The following ART4 variants were observed in gnomAD, a reference collection of about 807,000 sequenced individuals.
The protein encoded by ART4 is ecto-ADP-ribosyltransferase 4.
ART4 carries 14 observed loss-of-function variants against 24.2 expected under a neutral mutation model. The observed-to-expected ratio is 0.58, with a 90% CI of 0.38 to 0.90. ART4 has a LOEUF of 0.90. Among genes scored for constraint, ART4 ranks in the 40% least tolerant of loss-of-function variants. The pLI, the probability that ART4 is intolerant of heterozygous loss-of-function variation, is 0.00. For synonymous variants in ART4, 145 were observed against 139.9 expected, an observed-to-expected ratio of 1.04 and a Z score of -0.26; for missense variants, 356 against 366.6, an observed-to-expected ratio of 0.97 and a Z score of 0.24.
chr12:14,836,742 A>T (rs1448982488), intron 2 of ART4, among the ~76,000 whole-genome samples: 1 of 152,180 alleles, frequency 6.6e-6, no homozygotes, highest in Admixed American at 6.5e-5. Context: ...CATCCCTGCA[A>T]TGTGAGCTTA....
chr12:14,839,869 T>C (rs1436343694), intron 2 of ART4, among the ~76,000 whole-genome samples: 1 of 152,190 alleles, frequency 6.6e-6, no homozygotes, highest in Non-Finnish European at 1.5e-5. Flanking sequence ...AGAGAATGAG[T>C]AGCTCCCTGC....
intron 2 of ART4, among the ~76,000 whole-genome samples, chr12:14,835,085 G>A (rs148414657): frequency 4.6e-5 from 7 of 152,172 alleles, no homozygotes; most frequent in Non-Finnish European, 7.4e-5. Flanking sequence ...CCAGTATCAC[G>A]TCTGTCAGAT....
Position 14,843,510 on chromosome 12 carries a change from G to A in ART4, c.-397C>T, listed in dbSNP as rs1249772692. Reference sequence around the variant, plus strand: ...CAGGAAAAAGCATGCTCTGTCCAGCGTTTGGGGCCAAGTAGCATTATCTGG... The same window carrying A: ...CAGGAAAAAGCATGCTCTGTCCAGCATTTGGGGCCAAGTAGCATTATCTGG... On this transcript the variant is annotated 5_prime_UTR_variant, in exon 1 of 3. In the 5' UTR this introduces an upstream ATG that the reference lacks. Transcript: ENST00000228936. 1.2e-5 allele frequency: 2 copies of A among 168,586 alleles called. No homozygotes were observed. Among genetic ancestry groups the A allele is most frequent in the African/African-American group, 2.4e-5 (1 of 41,670 alleles). The allele number at this position is 168,586 out of a possible 1,614,324, so 10.4% of individuals were successfully genotyped here.
At position 14,830,639 on chromosome 12, in the gene ART4, C is replaced by CTGTA. The variant is rs1470378074; in HGVS notation, c.854-1181_854-1178dup. Among the ~76,000 whole-genome samples the CTGTA allele has an allele frequency of 6.0e-3, 269 of 45,184 alleles. 3 individuals carry two copies. The highest frequency in any genetic ancestry group is 9.9e-3 in the Non-Finnish European group (230 of 23,330). 29.6% of individuals were successfully genotyped at this position (45,184 alleles called of 152,430 possible). ...ATTACTCTGTGTGTGTATGTGTGTA[C>CTGTA]TGTATGTATGTATATATATATATAT... On this transcript the variant is annotated intron_variant, in intron 2 of 2. Coordinates refer to ENST00000228936, the MANE Select transcript of ART4 (RefSeq NM_021071.4).
Position 14,841,088 on chromosome 12 carries a change from G to T in ART4, c.210C>A (p.Ser70Arg), listed in dbSNP as rs1439465727. The change falls in exon 2 of 3, where the codon AGC becomes AGA. Residue 70 changes from serine (S) to arginine (R), a missense_variant. By Grantham distance (110) the Ser-to-Arg change is moderately radical (BLOSUM62 -1). Transcript: ENST00000228936. ...GAGTTAGTTTCTCCATAACCTGTTT[G>T]CTACAGCCTTGGTACTGATCATCAA... Reference protein sequence around the residue: ...GSFDDQYQGCSKQVMEKLTQG... With the variant: ...GSFDDQYQGCRKQVMEKLTQG... 2.5e-6 allele frequency: 4 copies of T among 1,614,102 alleles called. No homozygotes were observed. The highest frequency in any genetic ancestry group is 2.2e-5 in the South Asian group (2 of 91,074).
Position 14,840,736 on chromosome 12 carries a change from T to C in ART4, c.562A>G (p.Arg188Gly), listed in dbSNP as rs1565431067. The C allele has an allele frequency of 1.2e-6, 2 of 1,614,180 alleles. No individual in the cohort carries two copies. Among genetic ancestry groups the C allele is most frequent in the Admixed American group, 3.3e-5 (2 of 60,010 alleles). Residue 188 changes from arginine to glycine, a missense_variant, in exon 2 of 3, where the codon AGG becomes GGG. Arg to Gly is a moderately radical substitution (Grantham distance 125). Coordinates refer to ENST00000228936, the MANE Select transcript of ART4 (RefSeq NM_021071.4). ...GCATTAAAGTGGACATCCTTCGTCC[T>C]ATAATGCACCTCATAGCACAGAGTG... ...NGTLCYEVHY[R>G]TKDVHFNAYT...
rs1410797037 is a variant in ART4 at position 14,843,451 on chromosome 12, A to T, written c.-338T>A. 1.1e-5 allele frequency: 2 copies of T among 184,952 alleles called. No individual in the cohort carries two copies. Among genetic ancestry groups the T allele is most frequent in the Non-Finnish European group, 2.3e-5 (2 of 87,122 alleles). The allele number at this position is 184,952 out of a possible 1,614,324, so 11.5% of individuals were successfully genotyped here. A position where few individuals can be genotyped will look rare whatever the true frequency, so the allele number is the denominator to read the frequency against. ...ATGCCGAAGTCCTGTTAAGTGTCAGACTCAGCAGTTCAGCCTTCCCTTTCC... is the reference window on the plus strand; with the variant it reads ...ATGCCGAAGTCCTGTTAAGTGTCAGTCTCAGCAGTTCAGCCTTCCCTTTCC... On this transcript the variant is annotated 5_prime_UTR_variant, in exon 1 of 3. Transcript: ENST00000228936.
In ART4 at chr12:14,841,161, A is replaced by G. The variant is rs766177871; in HGVS notation, c.145-8T>C. 2 of 1,567,272 alleles carry G rather than the reference A, an allele frequency of 1.3e-6. No homozygotes were observed. Among genetic ancestry groups the G allele is most frequent in the African/African-American group, 2.8e-5 (2 of 72,442 alleles). ...GTCGATTTTAATTGCAACCTGTAAA[A>G]AAAGAAAAATCTTGAGTTTAATTTT... On this transcript the variant is annotated splice_region_variant and splice_polypyrimidine_tract_variant and intron_variant, in intron 1 of 2. Transcript: ENST00000228936.
intron 2 of ART4, among the ~76,000 whole-genome samples, chr12:14,835,694 C>T (rs1424518785): frequency 6.6e-6 from 1 of 151,880 alleles, no homozygotes; most frequent in Non-Finnish European, 1.5e-5. Flanking sequence ...CCACCTCTGC[C>T]TCCTGGGTTC....
At chr12:14,838,440 A>G (rs1166749509) in intron 2 of ART4, among the ~76,000 whole-genome samples, 1 of 152,250 alleles carries the variant, frequency 6.6e-6, no homozygotes, top group Non-Finnish European at 1.5e-5. Context: ...TGAAGTAATC[A>G]TATCCTAGTC....
chr12:14,840,405 G>A, intron 2 of ART4, 40 bp downstream of exon 2: 1 of 1,500,740 alleles, frequency 6.7e-7, no homozygotes, highest in East Asian at 2.3e-5. Flanking sequence ...AAGAGCAGTG[G>A]TCTGTGATCC....
chr12:14,829,561 C>G (rs1465414761), intron 2 of ART4, 99 bp from the exon 3 acceptor site: 2 of 803,198 alleles, frequency 2.5e-6, no homozygotes, highest in East Asian at 3.0e-5. Context: ...TAGAAAATTC[C>G]TAATAAAAAC....
Position 14,843,431 on chromosome 12 carries a change from G to A in ART4, c.-318C>T, listed in dbSNP as rs1049982266. 2 of 212,380 alleles carry A rather than the reference G, an allele frequency of 9.4e-6. No individual in the cohort carries two copies. Among genetic ancestry groups the A allele is most frequent in the Non-Finnish European group, 1.9e-5 (2 of 103,312 alleles). 13.2% of individuals were successfully genotyped at this position (212,380 alleles called of 1,614,324 possible). Reference sequence around the variant, plus strand: ...TCTAGTCTGTATTCAGGGGAATGCCGAAGTCCTGTTAAGTGTCAGACTCAG... The same window carrying A: ...TCTAGTCTGTATTCAGGGGAATGCCAAAGTCCTGTTAAGTGTCAGACTCAG... On this transcript the variant is annotated 5_prime_UTR_variant, in exon 1 of 3. Coordinates refer to ENST00000228936, the MANE Select transcript of ART4 (RefSeq NM_021071.4).
chr12:14,841,212 C>T, intron 1 of ART4, 59 bp from the exon 2 acceptor site: 1 of 1,487,978 alleles, frequency 6.7e-7, no homozygotes, highest in East Asian at 2.3e-5. Context: ...AATGTGGTTG[C>T]AGATTTGCTG....
At position 14,828,863 on chromosome 12, in the gene ART4, A is replaced by G. The variant is rs1313446153; in HGVS notation, c.*508T>C. On this transcript the variant is annotated 3_prime_UTR_variant, in exon 3 of 3. Coordinates refer to ENST00000228936, the MANE Select transcript of ART4 (RefSeq NM_021071.4). ...TTGTGTTAGATCCTTTCTCAAGGAGATGGGGTCTCCTCTCCTGGTGGCGGG... is the reference window on the plus strand; with the variant it reads ...TTGTGTTAGATCCTTTCTCAAGGAGGTGGGGTCTCCTCTCCTGGTGGCGGG... 2.6e-5 allele frequency: 4 copies of G among 152,258 alleles called. No individual in the cohort carries two copies. The highest frequency in any genetic ancestry group is 6.6e-5 in the Admixed American group (1 of 15,252). 9.4% of individuals were successfully genotyped at this position (152,258 alleles called of 1,614,324 possible).
chr12:14,832,931 C>A (rs1257961255), intron 2 of ART4, among the ~76,000 whole-genome samples: 1 of 152,030 alleles, frequency 6.6e-6, no homozygotes, highest in Middle Eastern at 3.2e-3. Flanking sequence ...GTTACATGGA[C>A]CATATATTTA....
Position 14,842,959 on chromosome 12 carries a change from T to C in ART4, c.144+11A>G. ...ATCATAAAGAGATCACCCCCTCAAT[T>C]GTCCCCCTACCTCAGAACCCTCTGT... On this transcript the variant is annotated intron_variant, in intron 1 of 2. Coordinates refer to ENST00000228936, the MANE Select transcript of ART4 (RefSeq NM_021071.4). 2 of 1,607,644 alleles carry C rather than the reference T, an allele frequency of 1.2e-6. No homozygotes were observed. Among genetic ancestry groups the C allele is most frequent in the Non-Finnish European group, 1.7e-6 (2 of 1,177,098 alleles).
At chr12:14,831,867 A>T (rs1241396733) in intron 2 of ART4, among the ~76,000 whole-genome samples, 1 of 152,020 alleles carries the variant, frequency 6.6e-6, no homozygotes, top group Admixed American at 6.6e-5. Context: ...AGGCTTCTCC[A>T]TCTCAGTGAG....
Position 14,828,909 on chromosome 12 carries a change from G to T in ART4, c.*462C>A, listed in dbSNP as rs1950375387. 1 of 152,360 alleles carries T rather than the reference G, an allele frequency of 6.6e-6. No homozygotes were observed. The highest frequency in any genetic ancestry group is 1.5e-5 in the Non-Finnish European group (1 of 68,240). 9.4% of individuals were successfully genotyped at this position (152,360 alleles called of 1,614,324 possible). ...GCGGGATCTTTGCTGGCAGCTATAA[G>T]CTCCTACCCTGCTTTCATTAATATC... On this transcript the variant is annotated 3_prime_UTR_variant, in exon 3 of 3. Transcript: ENST00000228936.
Sources: gnomAD v4.1 joint callset for allele counts (sites outside exome capture counted in the v4.1 genomes callset) on GRCh38, gnomAD v4.1.1 for gene constraint, MANE v1.5 for transcripts, NCBI Gene and HGNC (gene_info 2026-07-23, HGNC 2026-07-21) for gene names.